FBXW7: variants seen among roughly 807,000 people sequenced by gnomAD.
The protein encoded by FBXW7 is F-box/WD repeat-containing protein 7.
Under a neutral mutation model 86.3 loss-of-function variants are expected in FBXW7, and 11 were observed. That is an observed-to-expected ratio of 0.13 (90% confidence interval 0.08 to 0.21). The LOEUF (loss-of-function observed/expected upper bound fraction) is 0.21. Among genes scored for constraint, FBXW7 ranks in the 10% least tolerant of loss-of-function variants. The pLI is 1.00. For synonymous variants in FBXW7, 313 were observed against 297.9 expected, an observed-to-expected ratio of 1.05 and a Z score of -0.52; for missense variants, 488 against 847.4, an observed-to-expected ratio of 0.58 and a Z score of 5.27.
At chr4:152,364,078 G>C (rs1012819141) in intron 4 of FBXW7, among the ~76,000 whole-genome samples, 2 of 152,160 alleles carry the variant, frequency 1.3e-5, no homozygotes, top group African/African-American at 2.4e-5. Context: ...ATTGTGTACT[G>C]TGATACACTT....
At chr4:152,448,603 A>G (rs947300679) in intron 2 of FBXW7, among the ~76,000 whole-genome samples, 4 of 152,186 alleles carry the variant, frequency 2.6e-5, no homozygotes, top group Admixed American at 1.3e-4. Context: ...TGACTTGCTC[A>G]TTAGATGAGA....
intron 2 of FBXW7, 106 bp downstream of exon 2, chr4:152,534,835 T>C (rs937361485): frequency 3.9e-5 from 6 of 152,264 alleles, no homozygotes. Flanking sequence ...GACTCCCTCA[T>C]TGATAGACTC....
At chr4:152,343,133 T>C (rs1029609813) in intron 6 of FBXW7, among the ~76,000 whole-genome samples, 6 of 151,966 alleles carry the variant, frequency 3.9e-5, no homozygotes, top group East Asian at 1.9e-4. Context: ...TCAAAACACA[T>C]GTATTTTATA....
chr4:152,463,314 T>C (rs1445705378), intron 2 of FBXW7, among the ~76,000 whole-genome samples: 1 of 151,936 alleles, frequency 6.6e-6, no homozygotes, highest in East Asian at 1.9e-4. Flanking sequence ...ATGTTTTCTG[T>C]GAAAACTAGG....
chr4:152,393,167 G>C (rs939694435), intron 4 of FBXW7, among the ~76,000 whole-genome samples: 8 of 151,996 alleles, frequency 5.3e-5, no homozygotes, highest in African/African-American at 1.9e-4. Flanking sequence ...ATTTTCAAAA[G>C]AAGGTGAAAA....
intron 2 of FBXW7, among the ~76,000 whole-genome samples, chr4:152,501,440 T>C (rs1197253228): frequency 6.6e-6 from 1 of 152,118 alleles, no homozygotes; most frequent in African/African-American, 2.4e-5. Flanking sequence ...ATCAAAAACA[T>C]GGAGAACTTA....
chr4:152,389,077 AATGAG>A (rs953214309), intron 4 of FBXW7, among the ~76,000 whole-genome samples: 1 of 152,148 alleles, frequency 6.6e-6, no homozygotes, highest in African/African-American at 2.4e-5. Flanking sequence ...GTAAAACCAC[AATGAG>A]ATCTCATCTC....
chr4:152,361,879 T>C (rs772771625), intron 4 of FBXW7, among the ~76,000 whole-genome samples: 4 of 150,430 alleles, frequency 2.7e-5, no homozygotes, highest in African/African-American at 7.3e-5. Flanking sequence ...GGCAGGAGAA[T>C]TGCTTGAACT....
In FBXW7 at chr4:152,332,713, G is replaced by A. The variant is rs2126550134; in HGVS notation, c.868C>T (p.Leu290Phe). 1 of 1,571,362 alleles carries A rather than the reference G, an allele frequency of 6.4e-7. No individual in the cohort carries two copies. Among genetic ancestry groups the A allele is most frequent in the Non-Finnish European group, 8.7e-7 (1 of 1,154,418 alleles). The change falls in exon 8 of 14, where the codon CTC becomes TTC. Residue 290 changes from leucine (L) to phenylalanine (F), a missense_variant. Around this residue, in one of 4 missense-constraint regions of FBXW7, gnomAD observed 59 missense variants for 137.9 expected, o/e 0.43. Coordinates refer to ENST00000281708, the MANE Select transcript of FBXW7 (RefSeq NM_001349798.2). The part of the protein sequence containing the change: ...FISLLPKELA[L>F]YVLSFLEPKD... ...GGTTCCAGGAATGAAAGCACATAGA[G>A]TGCCAACTAAGAAAAAAATGCATAG...
chr4:152,427,661 C>T (rs1349532305), intron 2 of FBXW7, among the ~76,000 whole-genome samples: 2 of 152,188 alleles, frequency 1.3e-5, no homozygotes, highest in Non-Finnish European at 2.9e-5. Flanking sequence ...AGTTTCCACA[C>T]CTTTTGGTCT....
intron 2 of FBXW7, among the ~76,000 whole-genome samples, chr4:152,521,034 T>A (rs1161853926): frequency 6.6e-6 from 1 of 152,002 alleles, no homozygotes; most frequent in East Asian, 1.9e-4. Flanking sequence ...CCCATAGAAC[T>A]TATTTAAAAG....
At chr4:152,463,362 C>T (rs908622819) in intron 2 of FBXW7, among the ~76,000 whole-genome samples, 39 of 152,088 alleles carry the variant, frequency 2.6e-4, no homozygotes, top group Non-Finnish European at 2.8e-4. Flanking sequence ...AGTTTAAACT[C>T]CACCATTACC....
At chr4:152,501,373 G>GA (rs1436908505) in intron 2 of FBXW7, among the ~76,000 whole-genome samples, 10 of 152,206 alleles carry the variant, frequency 6.6e-5, no homozygotes, top group Admixed American at 6.5e-4. Context: ...CTCATATCAT[G>GA]AGATCAAGAC....
intron 2 of FBXW7, among the ~76,000 whole-genome samples, chr4:152,445,010 G>A (rs1240811213): frequency 6.6e-6 from 1 of 152,056 alleles, no homozygotes; most frequent in African/African-American, 2.4e-5. Flanking sequence ...ATTTTTTGTA[G>A]AGATGAGGTT....
chr4:152,399,471 G>A (rs1736715749), intron 4 of FBXW7, among the ~76,000 whole-genome samples: 1 of 152,052 alleles, frequency 6.6e-6, no homozygotes, highest in Non-Finnish European at 1.5e-5. Context: ...CCTAGTTAAA[G>A]CACAAAGACA....
chr4:152,455,960 T>C (rs185105594), intron 2 of FBXW7, among the ~76,000 whole-genome samples: 55 of 152,268 alleles, frequency 3.6e-4, no homozygotes. Flanking sequence ...AGGTAACATA[T>C]ATACAGCTTT....
chr4:152,461,304 C>G (rs1742922040), intron 2 of FBXW7, among the ~76,000 whole-genome samples: 1 of 152,104 alleles, frequency 6.6e-6, no homozygotes, highest in Non-Finnish European at 1.5e-5. Context: ...AGTTACTGAT[C>G]TCAACCCTAA....
chr4:152,369,730 G>A (rs1374929009), intron 4 of FBXW7, among the ~76,000 whole-genome samples: 1 of 152,016 alleles, frequency 6.6e-6, no homozygotes, highest in African/African-American at 2.4e-5. Flanking sequence ...ATGACACAGA[G>A]TAAGGGCAAA....
chr4:152,405,207 T>C (rs989063330), intron 4 of FBXW7, among the ~76,000 whole-genome samples: 2 of 151,886 alleles, frequency 1.3e-5, no homozygotes, highest in Non-Finnish European at 2.9e-5. Context: ...ACCAAATTTC[T>C]ACTGCTCAAA....
Sources: allele counts gnomAD v4.1 joint callset (sites outside exome capture counted in the v4.1 genomes callset), GRCh38; gene constraint gnomAD v4.1.1; regional missense constraint gnomAD v4.1.1; transcripts MANE v1.5; gene names NCBI Gene and HGNC (gene_info 2026-07-23, HGNC 2026-07-21).